The following CCDC61 variants were observed in gnomAD, a reference collection of about 807,000 sequenced individuals.
CCDC61 encodes centrosomal protein CCDC61.
A neutral mutation model predicts 63.0 loss-of-function variants in CCDC61; 55 were observed. The observed-to-expected ratio is 0.87, with a 90% CI of 0.70 to 1.09. The LOEUF (loss-of-function observed/expected upper bound fraction) is 1.09, where lower values mean the gene tolerates loss of function less well. Among genes scored for constraint, CCDC61 ranks in the 50% least tolerant of loss-of-function variants. CCDC61 has a pLI of 0.00. For missense variants in CCDC61, 651 were observed against 731.4 expected, an observed-to-expected ratio of 0.89 and a Z score of 1.27; for synonymous variants, 270 against 317.0, an observed-to-expected ratio of 0.85 and a Z score of 1.58.
Position 46,018,353 on chromosome 19 carries a change from A to G in CCDC61, c.1505A>G (p.Gln502Arg). Residue 502 changes from glutamine (Q) to arginine (R), a missense_variant, in exon 14 of 14, where the codon CAG becomes CGG. By Grantham distance (43) the Gln-to-Arg change is conservative. Coordinates refer to ENST00000595358, the MANE Select transcript of CCDC61 (RefSeq NM_001267723.2). This position sits in a 1 kb window ranked among gnomAD's most constrained non-coding sequence, Gnocchi z 4.2. ...ATAGACGCACGCCTGAAGGCCTTGC[A>G]GGAGTACATGAACCGACTGGACATG... is the stretch of plus-strand genomic sequence containing the variant. ...AEIDARLKAL[Q>R]EYMNRLDMRS 1 of 1,576,138 alleles carries G rather than the reference A, an allele frequency of 6.3e-7. No homozygotes were observed.
At chr19:46,004,685 G>C (rs1968665295) in intron 3 of CCDC61, among the ~76,000 whole-genome samples, 1 of 152,086 alleles carries the variant, frequency 6.6e-6, no homozygotes, top group South Asian at 2.1e-4. Context: ...GGCTGGTCTT[G>C]AATACCTGAT....
chr19:46,002,998 C>G lies in CCDC61; in HGVS notation c.-11-10C>G, dbSNP rs767054449. 2 of 1,552,488 alleles carry G rather than the reference C, an allele frequency of 1.3e-6. No homozygotes were observed. The highest frequency in any genetic ancestry group is 1.7e-6 in the Non-Finnish European group (2 of 1,147,302). On this transcript the variant is annotated splice_polypyrimidine_tract_variant and intron_variant, in intron 1 of 13. Coordinates refer to ENST00000595358, the MANE Select transcript of CCDC61 (RefSeq NM_001267723.2). ...GCTCCTCTAGGTTTCTCTCTCATCT[C>G]CTTCTCCAGCAACCTTGGCCATGGA... is the stretch of plus-strand genomic sequence containing the variant.
intron 3 of CCDC61, 30 bp downstream of exon 3, chr19:46,003,531 G>GGGGGT: frequency 8.4e-7 from 1 of 1,193,398 alleles, no homozygotes; most frequent in Non-Finnish European, 1.2e-6. Context: ...GTTGGGGTGG[G>GGGGGT]AGGGGGGTTC....
intron 3 of CCDC61, among the ~76,000 whole-genome samples, chr19:46,005,722 T>A (rs1053089062): frequency 6.6e-6 from 1 of 152,190 alleles, no homozygotes; most frequent in Non-Finnish European, 1.5e-5. Context: ...CAGGCTCACT[T>A]TGTTCGTTTT....
At chr19:46,013,578 C>T (rs770322627) in intron 5 of CCDC61, among the ~76,000 whole-genome samples, 2 of 152,048 alleles carry the variant, frequency 1.3e-5, no homozygotes, top group Non-Finnish European at 2.9e-5. Context: ...TGAAGTTTAA[C>T]ATTTCCAGGG....
chr19:46,017,954 G>A, intron 12 of CCDC61, 124 bp from the exon 13 acceptor site: 1 of 763,718 alleles, frequency 1.3e-6, no homozygotes. Context: ...GATAATGAAT[G>A]GCCAGTAGGT....
chr19:46,003,050 A>G lies in CCDC61; in HGVS notation c.32A>G (p.Tyr11Cys). MDQPAGLQVD[Y>C]VFRGVEHAVR... The stretch of plus-strand genomic sequence containing the variant: ...CAGCCGGCTGGCCTGCAGGTGGACT[A>G]CGTCTTCCGGGGTGTGGAGCATGCC... The change falls in exon 2 of 14, where the codon TAC becomes TGC. Residue 11 changes from tyrosine (Y) to cysteine (C), a missense_variant. Tyr to Cys is a radical substitution (Grantham distance 194). Transcript: ENST00000595358. The G allele has an allele frequency of 6.3e-7, 1 of 1,587,814 alleles. No individual in the cohort carries two copies. Among genetic ancestry groups the G allele is most frequent in the South Asian group, 1.1e-5 (1 of 87,012 alleles).
chr19:46,017,010 C>G lies in CCDC61; in HGVS notation c.1251C>G (p.Arg417=). Residue 417 remains arginine (R), a synonymous_variant, in exon 11 of 14, where the codon CGC becomes CGG. Coordinates refer to ENST00000595358, the MANE Select transcript of CCDC61 (RefSeq NM_001267723.2). ...CTCTAGTGGACAGTTTCCGCAGCCG[C>G]TGCTCGTCTGCCAGCTCCTGCAGCG... ...RSSSVDSFRS[R]CSSASSCSDL... is the part of the protein sequence containing the mutation. 3 of 1,612,186 alleles carry G rather than the reference C, an allele frequency of 1.9e-6. No homozygotes were observed.
chr19:46,011,826 C>T (rs566528247), intron 5 of CCDC61, among the ~76,000 whole-genome samples: 13 of 152,116 alleles, frequency 8.5e-5, no homozygotes, highest in African/African-American at 2.6e-4. Context: ...TTTTTGAGAC[C>T]GAGTCTCGCA....
chr19:46,008,011 TA>T (rs1968745399), intron 4 of CCDC61, 128 bp from the exon 5 acceptor site: 31 of 968,922 alleles, frequency 3.2e-5, no homozygotes, highest in Non-Finnish European at 4.3e-5. Flanking sequence ...GATGTGCTCA[TA>T]AGCCTCTAGG....
At position 46,018,210 on chromosome 19, in the gene CCDC61, G is replaced by T; in HGVS notation, c.1441+60G>T. The T allele has an allele frequency of 6.4e-7, 1 of 1,553,940 alleles. No homozygotes were observed. The highest frequency in any genetic ancestry group is 1.2e-5 in the South Asian group (1 of 84,578). On this transcript the variant is annotated intron_variant, in intron 13 of 13. Coordinates refer to ENST00000595358, the MANE Select transcript of CCDC61 (RefSeq NM_001267723.2). The surrounding 1 kb of genome is among the most constrained non-coding windows in gnomAD (Gnocchi z 4.2). ...CCAGGACCCGTTGGAATGGTAGTGCGGGCAGTGGTATATTGGGCCCAGGAA... is the reference window on the plus strand; with the variant it reads ...CCAGGACCCGTTGGAATGGTAGTGCTGGCAGTGGTATATTGGGCCCAGGAA...
chr19:46,008,395 T>C, intron 5 of CCDC61, 94 bp downstream of exon 5: 6 of 1,038,244 alleles, frequency 5.8e-6, no homozygotes, highest in Non-Finnish European at 8.3e-6. Flanking sequence ...AGGATGACTG[T>C]CCTTCGCCCA....
rs548066498 is a variant in CCDC61, at chr19:45,998,816, G to C, written c.-12+3312G>C. ...TCTTATTATCCCGCTTTACTGATGG[G>C]GGAAGGCCCAGAGAGGGCAAGTACT... On this transcript the variant is annotated intron_variant, in intron 1 of 13. Transcript: ENST00000595358. Among the ~76,000 whole-genome samples the C allele has an allele frequency of 9.8e-5, 15 of 152,300 alleles. 1 individual carries two copies. In the South Asian group the frequency reaches 3.1e-3, roughly 32 times the overall value.
intron 3 of CCDC61, among the ~76,000 whole-genome samples, chr19:46,004,394 CCT>C (rs1179287306): frequency 1.3e-5 from 2 of 152,172 alleles, no homozygotes; most frequent in Non-Finnish European, 2.9e-5. Flanking sequence ...AGACAAAACC[CCT>C]GTCCTCATGA....
At chr19:45,997,166 G>A (rs896513527) in intron 1 of CCDC61, among the ~76,000 whole-genome samples, 3 of 151,924 alleles carry the variant, frequency 2.0e-5, no homozygotes, top group East Asian at 1.9e-4. Context: ...GTCCCTGAAC[G>A]CACTGCCACC....
At chr19:46,017,766 G>C (rs1418904466) in intron 12 of CCDC61, among the ~76,000 whole-genome samples, 4 of 152,142 alleles carry the variant, frequency 2.6e-5, no homozygotes. Context: ...TTAGGGCTTT[G>C]GCTTCTGACT....
rs1490949654 is a variant in CCDC61, at chr19:46,018,271, C to A, written c.1442-19C>A. The stretch of plus-strand genomic sequence containing the variant: ...CTTCAGGCCCCTCACAGCCCCCATA[C>A]CCACACCTGCTCTCACAGAGTACAG... On this transcript the variant is annotated intron_variant, in intron 13 of 13. Transcript: ENST00000595358. The surrounding 1 kb of genome is among the most constrained non-coding windows in gnomAD (Gnocchi z 4.2). 3 of 1,558,624 alleles carry A rather than the reference C, an allele frequency of 1.9e-6. No homozygotes were observed. Among genetic ancestry groups the A allele is most frequent in the South Asian group, 2.4e-5 (2 of 84,650 alleles).
chr19:45,996,034 A>G (rs562082544), intron 1 of CCDC61, among the ~76,000 whole-genome samples: 3 of 152,320 alleles, frequency 2.0e-5, no homozygotes, highest in East Asian at 3.9e-4. Flanking sequence ...AACTTACTCT[A>G]CTGATGGTTA....
intron 5 of CCDC61, among the ~76,000 whole-genome samples, chr19:46,013,315 T>C (rs1325539364): frequency 5.9e-5 from 9 of 151,678 alleles, no homozygotes. Flanking sequence ...TGAGCCACTG[T>C]ACCTGGCTGC....
Sources: allele counts gnomAD v4.1 joint callset (sites outside exome capture counted in the v4.1 genomes callset), GRCh38; gene constraint gnomAD v4.1.1; non-coding constraint Gnocchi (gnomAD v3.1); transcripts MANE v1.5; gene names NCBI Gene and HGNC (gene_info 2026-07-23, HGNC 2026-07-21).